RASAL2: variants seen among roughly 807,000 people sequenced by gnomAD.
RASAL2 encodes the protein ras GTPase-activating protein nGAP.
In RASAL2, 58 loss-of-function variants were observed where a neutral mutation model predicts 128.9. The ratio of observed to expected loss-of-function variants is 0.45; its 90% CI spans 0.36 to 0.56. The LOEUF (loss-of-function observed/expected upper bound fraction) is 0.56, where lower values mean the gene tolerates loss of function less well. Among genes scored for constraint, RASAL2 ranks in the 20% least tolerant of loss-of-function variants. The pLI is 0.00. For missense variants in RASAL2, 1,360 were observed against 1,601.6 expected, an observed-to-expected ratio of 0.85 and a Z score of 2.57; for synonymous variants, 561 against 580.8, an observed-to-expected ratio of 0.97 and a Z score of 0.49.
At chr1:178,384,671 A>T (rs1571973069) in intron 3 of RASAL2, among the ~76,000 whole-genome samples, 1 of 151,398 alleles carries the variant, frequency 6.6e-6, no homozygotes, top group South Asian at 2.1e-4. Flanking sequence ...CTCAAAAAAA[A>T]AAAAACACAC....
chr1:178,298,008 G>T (rs866666791), intron 2 of RASAL2, among the ~76,000 whole-genome samples: 1 of 151,914 alleles, frequency 6.6e-6, no homozygotes, highest in African/African-American at 2.4e-5. Flanking sequence ...TAAAATAATA[G>T]GCATTTTTAG....
intron 5 of RASAL2, among the ~76,000 whole-genome samples, chr1:178,425,147 G>A (rs1236520214): frequency 6.6e-6 from 1 of 152,108 alleles, no homozygotes; most frequent in Admixed American, 6.6e-5. Context: ...GGATCTTACA[G>A]GTGTAATTTG....
chr1:178,272,287 C>T (rs933996629), intron 1 of RASAL2, among the ~76,000 whole-genome samples: 8 of 152,084 alleles, frequency 5.3e-5, no homozygotes, highest in African/African-American at 9.7e-5. Context: ...AAAAAAATCC[C>T]GGACTATACG....
At chr1:178,216,226 A>G (rs1663415419) in intron 1 of RASAL2, among the ~76,000 whole-genome samples, 1 of 152,220 alleles carries the variant, frequency 6.6e-6, no homozygotes, top group Non-Finnish European at 1.5e-5. Flanking sequence ...TGTGTTAAAT[A>G]TGAAGAGTTA....
chr1:178,454,486 T>C lies in RASAL2; in HGVS notation c.2049T>C (p.Asp683=). 1.2e-6 allele frequency: 2 copies of C among 1,613,436 alleles called. No homozygotes were observed. Among genetic ancestry groups the C allele is most frequent in the Non-Finnish European group, 8.5e-7 (1 of 1,179,434 alleles). ...NKEEYMAFMN[D]FLEHEWGGMK... ...AGGAATACATGGCATTCATGAATGATTTTTTAGAACATGAATGGGGTGGAA... is the reference window on the plus strand; with the variant it reads ...AGGAATACATGGCATTCATGAATGACTTTTTAGAACATGAATGGGGTGGAA... The change falls in exon 12 of 18, where the codon GAT becomes GAC. Residue 683 remains aspartate (D), a synonymous_variant. Transcript: ENST00000367649.
At chr1:178,382,922 G>A (rs1672360328) in intron 3 of RASAL2, among the ~76,000 whole-genome samples, 1 of 152,100 alleles carries the variant, frequency 6.6e-6, no homozygotes, top group South Asian at 2.1e-4. Flanking sequence ...TATTTTCTTG[G>A]CCTTTTCAGT....
intron 1 of RASAL2, among the ~76,000 whole-genome samples, chr1:178,150,103 T>C (rs533630206): frequency 6.6e-6 from 1 of 152,374 alleles, no homozygotes; most frequent in African/African-American, 2.4e-5. Context: ...CTTTTCATCT[T>C]TTAATAGATT....
chr1:178,144,982 C>CA lies in RASAL2; in HGVS notation c.202+50289dup, dbSNP rs201318289. Among the ~76,000 whole-genome samples, 559 of 152,280 alleles carry CA rather than the reference C, an allele frequency of 3.7e-3. 2 individuals carry two copies. Among genetic ancestry groups the CA allele is most frequent in the African/African-American group, 0.013 (534 of 41,556 alleles). ...CTATTACCTGATGTAGTAAGTTTAA[C>CA]ATCTTTGTAAAAATATGTTTTAAGT... On this transcript the variant is annotated intron_variant, in intron 1 of 17. Transcript: ENST00000367649.
intron 1 of RASAL2, among the ~76,000 whole-genome samples, chr1:178,277,163 A>C (rs1000406041): frequency 2.0e-5 from 3 of 151,594 alleles, no homozygotes; most frequent in African/African-American, 7.3e-5. Context: ...AAAAAAAAAA[A>C]AAAAAAACCA....
At chr1:178,167,892 G>C (rs939043394) in intron 1 of RASAL2, among the ~76,000 whole-genome samples, 5 of 152,082 alleles carry the variant, frequency 3.3e-5, no homozygotes, top group Non-Finnish European at 5.9e-5. Flanking sequence ...CTGTTGTTGT[G>C]TGAGGAAAGG....
At chr1:178,468,247 T>C (rs1178661468) in intron 17 of RASAL2, among the ~76,000 whole-genome samples, 1 of 152,236 alleles carries the variant, frequency 6.6e-6, no homozygotes, top group African/African-American at 2.4e-5. Flanking sequence ...TAGTGGCTGA[T>C]CTAGCCACTG....
chr1:178,162,486 TAA>T (rs1491462561), intron 1 of RASAL2, among the ~76,000 whole-genome samples: 1 of 125,698 alleles, frequency 8.0e-6, no homozygotes, highest in African/African-American at 3.0e-5. Flanking sequence ...ATATTTTATA[TAA>T]TATATATATT....
At chr1:178,336,472 G>A (rs73035253) in intron 3 of RASAL2, among the ~76,000 whole-genome samples, 10,425 of 151,928 alleles carry the variant, frequency 0.069, 1,146 homozygotes, top group African/African-American at 0.23. Context: ...CCTAATGATC[G>A]TTATTTCTAC....
At chr1:178,110,789 T>C (rs1659291237) in intron 1 of RASAL2, among the ~76,000 whole-genome samples, 1 of 151,748 alleles carries the variant, frequency 6.6e-6, no homozygotes, top group Admixed American at 6.6e-5. Context: ...GGTTTCACCA[T>C]GTTTCCCAGG....
At chr1:178,369,926 A>G (rs1281128336) in intron 3 of RASAL2, among the ~76,000 whole-genome samples, 1 of 152,236 alleles carries the variant, frequency 6.6e-6, no homozygotes, top group East Asian at 1.9e-4. Context: ...CAATGAAAGT[A>G]CGGACGTGAG....
chr1:178,378,322 C>T (rs959433603), intron 3 of RASAL2, among the ~76,000 whole-genome samples: 1 of 151,862 alleles, frequency 6.6e-6, no homozygotes, highest in Non-Finnish European at 1.5e-5. Flanking sequence ...GAAGACATAA[C>T]AATCTTACAT....
chr1:178,115,780 G>C (rs1248850942), intron 1 of RASAL2, among the ~76,000 whole-genome samples: 1 of 152,330 alleles, frequency 6.6e-6, no homozygotes, highest in East Asian at 1.9e-4. Context: ...TTTGTAGACT[G>C]GGTAAAACAT....
At chr1:178,172,430 A>C (rs1445357260) in intron 1 of RASAL2, among the ~76,000 whole-genome samples, 1 of 152,032 alleles carries the variant, frequency 6.6e-6, no homozygotes, top group East Asian at 1.9e-4. Context: ...CTGTTTGTAA[A>C]GATGTTTAAC....
chr1:178,397,117 A>G (rs1462715411), intron 4 of RASAL2, among the ~76,000 whole-genome samples: 3 of 152,222 alleles, frequency 2.0e-5, no homozygotes, highest in African/African-American at 4.8e-5. Flanking sequence ...TAGCAATTCT[A>G]CTTTTAGGAA....
Sources: gnomAD v4.1 joint callset for allele counts (sites outside exome capture counted in the v4.1 genomes callset) on GRCh38, gnomAD v4.1.1 for gene constraint, MANE v1.5 for transcripts, NCBI Gene and HGNC (gene_info 2026-07-23, HGNC 2026-07-21) for gene names.